Variants in ICE1 observed in about 807,000 individuals in gnomAD.
ICE1 encodes interactor of little elongation complex ELL subunit 1, also known as little elongation complex subunit 1.
Under a neutral mutation model 192.7 loss-of-function variants are expected in ICE1, and 64 were observed. The ratio of observed to expected loss-of-function variants is 0.33; its 90% CI spans 0.27 to 0.41. ICE1 has a LOEUF of 0.41. ICE1 is among the 10% of genes least tolerant of loss of function. The pLI is 1.00. For synonymous variants in ICE1, 1,010 were observed against 984.5 expected, an observed-to-expected ratio of 1.03 and a Z score of -0.49; for missense variants, 2,708 against 2,696.0, an observed-to-expected ratio of 1.00 and a Z score of -0.10.
At chr5:5,437,954 T>C (rs979039452) in intron 3 of ICE1, 1 of 152,240 alleles carries the variant, frequency 6.6e-6, no homozygotes, top group African/African-American at 2.4e-5. Flanking sequence ...AACTTACATG[T>C]CATCATCAGT....
At chr5:5,453,585 T>G (rs561129900) in intron 10 of ICE1, among the ~76,000 whole-genome samples, 9 of 152,326 alleles carry the variant, frequency 5.9e-5, no homozygotes, top group Non-Finnish European at 1.3e-4. Context: ...GAAACTCTAA[T>G]AAAACTTTTT....
intron 4 of ICE1, among the ~76,000 whole-genome samples, chr5:5,440,736 A>T (rs1027050358): frequency 1.1e-4 from 16 of 152,148 alleles, no homozygotes; most frequent in Admixed American, 9.2e-4. Flanking sequence ...ACTTTTTTTA[A>T]ATTAGCCAGG....
At position 5,457,295 on chromosome 5, in the gene ICE1, G is replaced by A. The variant is rs780209252; in HGVS notation, c.692-37G>A. The A allele has an allele frequency of 4.7e-6, 7 of 1,479,528 alleles. No homozygotes were observed. The East Asian group carries it at 1.6e-4, about 34-fold the overall frequency. 91.7% of individuals were successfully genotyped at this position (1,479,528 alleles called of 1,614,324 possible). ...TTTTTTTTTAAGTTTTCTTGATATT[G>A]TAAATACCTGATACCTACTTTTGTT... On this transcript the variant is annotated intron_variant, in intron 11 of 18. Coordinates refer to ENST00000296564, the MANE Select transcript of ICE1 (RefSeq NM_015325.3).
intron 1 of ICE1, among the ~76,000 whole-genome samples, chr5:5,434,725 G>C (rs1036062895): frequency 6.6e-6 from 1 of 152,128 alleles, no homozygotes; most frequent in African/African-American, 2.4e-5. Context: ...ATCACTGTGT[G>C]TGTTTTGATT....
chr5:5,450,886 T>G (rs149369785), intron 10 of ICE1, among the ~76,000 whole-genome samples: 44 of 152,302 alleles, frequency 2.9e-4, no homozygotes, highest in African/African-American at 1.1e-3. Flanking sequence ...ATTTTCGTCG[T>G]GAGAGACTTC....
intron 17 of ICE1, among the ~76,000 whole-genome samples, chr5:5,485,928 A>G (rs1739627823): frequency 6.6e-6 from 1 of 152,212 alleles, no homozygotes; most frequent in South Asian, 2.1e-4. Flanking sequence ...TTTATTGTTG[A>G]AAAAAATCTG....
rs151151444 is a variant in ICE1 at position 5,460,765 on chromosome 5, C to G, written c.1431C>G (p.Asp477Glu). The G allele has an allele frequency of 4.5e-4, 733 of 1,613,986 alleles. 8 individuals carry two copies. In the East Asian group the frequency reaches 0.016, roughly 34 times the overall value. Reference sequence around the variant, plus strand: ...GATCCATGAGTGATAGAAAAAGAGACATTTTACATGAGACAAAAACACAAA... The same window carrying G: ...GATCCATGAGTGATAGAAAAAGAGAGATTTTACATGAGACAAAAACACAAA... Reference protein sequence around the residue: ...ASRSMSDRKRDILHETKTQME... With the variant: ...ASRSMSDRKREILHETKTQME... Residue 477 changes from aspartate to glutamate, a missense_variant, in exon 13 of 19, where the codon GAC becomes GAG. Transcript: ENST00000296564.
At chr5:5,484,485 T>G (rs1739585671) in intron 17 of ICE1, among the ~76,000 whole-genome samples, 1 of 152,246 alleles carries the variant, frequency 6.6e-6, no homozygotes, top group South Asian at 2.1e-4. Context: ...CAGTTTAATC[T>G]GATTGCAAAG....
intron 1 of ICE1, among the ~76,000 whole-genome samples, chr5:5,432,453 A>G (rs1436412865): frequency 6.6e-6 from 1 of 152,140 alleles, no homozygotes; most frequent in African/African-American, 2.4e-5. Flanking sequence ...ATTTATGTTC[A>G]CTTTTTGGCT....
intron 1 of ICE1, among the ~76,000 whole-genome samples, chr5:5,432,761 A>C (rs1213450683): frequency 6.6e-6 from 1 of 152,224 alleles, no homozygotes; most frequent in Non-Finnish European, 1.5e-5. Flanking sequence ...AGAGCTCTGA[A>C]TATTCCTTTC....
At chr5:5,426,071 G>C (rs562353413) in intron 1 of ICE1, among the ~76,000 whole-genome samples, 1 of 152,328 alleles carries the variant, frequency 6.6e-6, no homozygotes, top group South Asian at 2.1e-4. Context: ...TTTAATGTTT[G>C]TGGAACACAG....
At chr5:5,468,051 A>G (rs1353287000) in intron 14 of ICE1, among the ~76,000 whole-genome samples, 1 of 152,252 alleles carries the variant, frequency 6.6e-6, no homozygotes, top group Non-Finnish European at 1.5e-5. Flanking sequence ...TGATATATCA[A>G]GCAGTTAAAT....
At position 5,454,543 on chromosome 5, in the gene ICE1, G is replaced by T; in HGVS notation, c.605-9G>T. Reference sequence around the variant, plus strand: ...TGACGTGACTTTAATGCTTTGCTCTGTTTCACAGGAAAAGTGAAACTGCTT... The same window carrying T: ...TGACGTGACTTTAATGCTTTGCTCTTTTTCACAGGAAAAGTGAAACTGCTT... On this transcript the variant is annotated splice_polypyrimidine_tract_variant and intron_variant, in intron 10 of 18. Coordinates refer to ENST00000296564, the MANE Select transcript of ICE1 (RefSeq NM_015325.3). The T allele has an allele frequency of 1.2e-6, 2 of 1,608,982 alleles. No homozygotes were observed. Among genetic ancestry groups the T allele is most frequent in the Non-Finnish European group, 1.7e-6 (2 of 1,175,998 alleles).
intron 15 of ICE1, among the ~76,000 whole-genome samples, chr5:5,472,836 A>G (rs754531492): frequency 6.6e-6 from 1 of 152,180 alleles, no homozygotes; most frequent in Non-Finnish European, 1.5e-5. Context: ...CTACTTTGCA[A>G]AATTGTTGGG....
chr5:5,484,796 G>C (rs1393704220), intron 17 of ICE1, among the ~76,000 whole-genome samples: 2 of 152,148 alleles, frequency 1.3e-5, no homozygotes, highest in Non-Finnish European at 2.9e-5. Flanking sequence ...TCATATGCTG[G>C]ATCCACATAT....
chr5:5,460,567 A>G lies in ICE1; in HGVS notation c.1233A>G (p.Lys411=). Residue 411 remains lysine, a synonymous_variant, in exon 13 of 19, where the codon AAA becomes AAG. Coordinates refer to ENST00000296564, the MANE Select transcript of ICE1 (RefSeq NM_015325.3). ...QNYFGSLRKN[K]GSGTWEEKPK... ...ATTTTGGCTCATTGAGAAAAAATAA[A>G]GGAAGTGGCACATGGGAGGAAAAGC... The G allele has an allele frequency of 6.2e-7, 1 of 1,612,648 alleles. No individual in the cohort carries two copies. The highest frequency in any genetic ancestry group is 8.5e-7 in the Non-Finnish European group (1 of 1,179,196).
intron 13 of ICE1, 94 bp from the exon 14 acceptor site, chr5:5,466,240 T>C: frequency 1.8e-6 from 2 of 1,139,294 alleles, no homozygotes; most frequent in South Asian, 3.6e-5. Flanking sequence ...ATTTTTTCAA[T>C]AGATACTTAA....
intron 1 of ICE1, among the ~76,000 whole-genome samples, chr5:5,430,004 G>C (rs1737651634): frequency 6.6e-6 from 1 of 152,160 alleles, no homozygotes; most frequent in Non-Finnish European, 1.5e-5. Flanking sequence ...GGAGAGAATT[G>C]AAAATAAGCC....
chr5:5,425,693 T>C (rs1395088784), intron 1 of ICE1, among the ~76,000 whole-genome samples: 1 of 151,912 alleles, frequency 6.6e-6, no homozygotes, highest in South Asian at 2.1e-4. Flanking sequence ...GTCAGTGTTA[T>C]GGGATGGTGA....
Sources: gnomAD v4.1 joint callset for allele counts (sites outside exome capture counted in the v4.1 genomes callset) on GRCh38, gnomAD v4.1.1 for gene constraint, MANE v1.5 for transcripts, NCBI Gene and HGNC (gene_info 2026-07-23, HGNC 2026-07-21) for gene names.